CCDC91: variants seen among roughly 807,000 people sequenced by gnomAD.
CCDC91 encodes coiled-coil domain containing 91.
In CCDC91, 48 loss-of-function variants were observed where a neutral mutation model predicts 63.2. That is an observed-to-expected ratio of 0.76 (90% CI 0.60 to 0.97). The LOEUF (loss-of-function observed/expected upper bound fraction) is 0.97. Ranked by LOEUF, CCDC91 falls within the 50% of genes least tolerant of loss-of-function variation. CCDC91 has a pLI of 0.00. For synonymous variants in CCDC91, 167 were observed against 165.8 expected (o/e 1.01, Z -0.06); for missense variants, 500 against 494.6 (o/e 1.01, Z -0.10).
rs1939309216 is a variant in CCDC91, at chr12:28,311,416, C to G, written c.576+3667C>G. ...ATGGGGATAGAAGTCCTAAAACTGT[C>G]TTCACAACCACTTGGTTTTCTCTGA... On this transcript the variant is annotated intron_variant, in intron 6 of 12. Coordinates refer to ENST00000536442, the MANE Select transcript of CCDC91 (RefSeq NM_018318.5). Among the ~76,000 whole-genome samples the G allele has an allele frequency of 1.3e-5, 2 of 152,016 alleles. 1 individual carries two copies. The highest frequency in any genetic ancestry group is 4.1e-4 in the South Asian group (2 of 4,834).
intron 3 of CCDC91, among the ~76,000 whole-genome samples, chr12:28,281,916 A>C (rs1188887675): frequency 6.6e-6 from 1 of 152,152 alleles, no homozygotes; most frequent in Non-Finnish European, 1.5e-5. Flanking sequence ...ATCTGTTTGA[A>C]TATTTCTCCT....
intron 8 of CCDC91, among the ~76,000 whole-genome samples, chr12:28,399,843 C>A (rs1247096777): frequency 1.3e-5 from 2 of 152,220 alleles, no homozygotes; most frequent in Non-Finnish European, 2.9e-5. Context: ...GCTCCAAAGG[C>A]CTTGGGAAGC....
At chr12:28,324,382 G>A (rs1295544414) in intron 6 of CCDC91, among the ~76,000 whole-genome samples, 2 of 151,828 alleles carry the variant, frequency 1.3e-5, no homozygotes, top group Non-Finnish European at 2.9e-5. Context: ...ACTGTCAAGA[G>A]GTGGGCAAAT....
chr12:28,290,190 C>T (rs1258344052), intron 3 of CCDC91, among the ~76,000 whole-genome samples: 1 of 151,992 alleles, frequency 6.6e-6, no homozygotes. Context: ...TCTGGGTGCT[C>T]CTGTGTTGGT....
At chr12:28,206,091 G>A (rs1283684376) in intron 1 of CCDC91, among the ~76,000 whole-genome samples, 3 of 152,194 alleles carry the variant, frequency 2.0e-5, no homozygotes, top group African/African-American at 7.2e-5. Context: ...CTGTTCTCCT[G>A]TAGGATCTAT....
chr12:28,202,420 C>T (rs1591971583), intron 1 of CCDC91, among the ~76,000 whole-genome samples: 2 of 152,284 alleles, frequency 1.3e-5, no homozygotes, highest in South Asian at 2.1e-4. Flanking sequence ...AGGGTTTCTT[C>T]TTGTTGCTGC....
At chr12:28,543,386 A>G (rs1942768863) in intron 12 of CCDC91, among the ~76,000 whole-genome samples, 2 of 152,020 alleles carry the variant, frequency 1.3e-5, no homozygotes, top group Middle Eastern at 3.4e-3. Flanking sequence ...AACCCGCCTT[A>G]TTTTGTTGTT....
chr12:28,402,466 TG>T (rs1309663715), intron 8 of CCDC91, among the ~76,000 whole-genome samples: 2 of 151,958 alleles, frequency 1.3e-5, no homozygotes, highest in African/African-American at 4.8e-5. Context: ...TTGACTTTTT[TG>T]TATATTATCC....
rs1244381117 is a variant in CCDC91, at chr12:28,318,621, ATGCCAAGAAT to A, written c.576+10875_576+10884del. ...TTAACTGACATTTTAGTCTCAAAAA[ATGCCAAGAAT>A]TGGAGGCAGTTATGAGAATTAACAA... On this transcript the variant is annotated intron_variant, in intron 6 of 12. Coordinates refer to ENST00000536442, the MANE Select transcript of CCDC91 (RefSeq NM_018318.5). Among the ~76,000 whole-genome samples the A allele has an allele frequency of 2.0e-5, 3 of 152,124 alleles. No individual in the cohort carries two copies. In the East Asian group the frequency reaches 5.8e-4, roughly 30 times the overall value.
At chr12:28,393,784 C>A (rs1332978450) in intron 8 of CCDC91, among the ~76,000 whole-genome samples, 1 of 152,106 alleles carries the variant, frequency 6.6e-6, no homozygotes, top group Non-Finnish European at 1.5e-5. Flanking sequence ...TGAGAATTTT[C>A]TTTTTTCTAT....
chr12:28,383,551 TC>T (rs1444677816), intron 7 of CCDC91, among the ~76,000 whole-genome samples: 1 of 152,116 alleles, frequency 6.6e-6, no homozygotes, highest in Non-Finnish European at 1.5e-5. Context: ...CCTTCATTCT[TC>T]CCAAAGGTTG....
chr12:28,302,636 T>C (rs1214443726), intron 3 of CCDC91: 1 of 984,716 alleles, frequency 1.0e-6, no homozygotes, highest in Non-Finnish European at 1.2e-6. Flanking sequence ...ATGTTAGTAG[T>C]ATGGTGTGAC....
At chr12:28,462,570 G>A (rs954602042) in intron 11 of CCDC91, among the ~76,000 whole-genome samples, 1 of 152,010 alleles carries the variant, frequency 6.6e-6, no homozygotes, top group Non-Finnish European at 1.5e-5. Flanking sequence ...AATGTAATAT[G>A]TAGTCTCTAC....
At chr12:28,472,333 A>G (rs1218455051) in intron 11 of CCDC91, among the ~76,000 whole-genome samples, 2 of 152,174 alleles carry the variant, frequency 1.3e-5, no homozygotes, top group Non-Finnish European at 2.9e-5. Flanking sequence ...ATGATGACCT[A>G]AATCAGGGAT....
At chr12:28,430,302 C>T (rs1270535193) in intron 8 of CCDC91, among the ~76,000 whole-genome samples, 1 of 151,974 alleles carries the variant, frequency 6.6e-6, no homozygotes, top group Non-Finnish European at 1.5e-5. Context: ...GACTTACAAA[C>T]TTCAAGGTAA....
intron 8 of CCDC91, among the ~76,000 whole-genome samples, chr12:28,420,609 A>T (rs1183374724): frequency 1.3e-5 from 2 of 152,180 alleles, no homozygotes; most frequent in African/African-American, 4.8e-5. Flanking sequence ...TAAAGGAAGA[A>T]GAAGAAGAAA....
chr12:28,253,926 T>C (rs1203210667), intron 1 of CCDC91, among the ~76,000 whole-genome samples: 1 of 152,184 alleles, frequency 6.6e-6, no homozygotes, highest in Admixed American at 6.5e-5. Flanking sequence ...TGAGACTCTT[T>C]TACATCTTAT....
intron 6 of CCDC91, among the ~76,000 whole-genome samples, chr12:28,316,556 C>CTTTTTTTTTTTTTTTTT: frequency 3.5e-5 from 1 of 28,484 alleles, no homozygotes; most frequent in African/African-American, 1.4e-4. Flanking sequence ...CAACTCACAC[C>CTTTTTTTTTTTTTTTTT]TTTTTTTTTT....
At chr12:28,272,599 T>G (rs1469727373) in intron 3 of CCDC91, among the ~76,000 whole-genome samples, 1 of 152,060 alleles carries the variant, frequency 6.6e-6, no homozygotes, top group Non-Finnish European at 1.5e-5. Context: ...TTTCTTTCTT[T>G]CCTTCCTCCT....
Sources: allele counts gnomAD v4.1 joint callset (sites outside exome capture counted in the v4.1 genomes callset), GRCh38; gene constraint gnomAD v4.1.1; transcripts MANE v1.5; gene names NCBI Gene and HGNC (gene_info 2026-07-23, HGNC 2026-07-21).